Variants in KAT14 observed in about 807,000 individuals in gnomAD.
The protein encoded by KAT14 is lysine acetyltransferase 14, also known as cysteine-rich protein 2-binding protein.
Under a neutral mutation model 78.4 loss-of-function variants are expected in KAT14, and 66 were observed. The ratio of observed to expected loss-of-function variants is 0.84; its 90% CI spans 0.69 to 1.03. The LOEUF is 1.03. Ranked by LOEUF, KAT14 falls within the 50% of genes least tolerant of loss-of-function variation. The pLI is 0.00. For missense variants in KAT14, 870 were observed against 972.5 expected (o/e 0.89, Z 1.40); for synonymous variants, 344 against 359.4 (o/e 0.96, Z 0.48).
In KAT14 at chr20:18,142,743, AG is replaced by A; in HGVS notation, c.85del (p.Glu29LysfsTer10). On this transcript the variant is annotated frameshift_variant, in exon 2 of 11. Transcript: ENST00000688188. LOFTEE classifies it high-confidence loss of function. ...ATRTSTSEGL[E>X]EGEVEGETLL... ...AGAACATCGACCTCAGAAGGACTGG[AG>A]GAAGGTGAAGTGGAGGGAGAGACGC... 6.2e-7 allele frequency: 1 copy of A among 1,614,208 alleles called. No homozygotes were observed. Among genetic ancestry groups the A allele is most frequent in the Non-Finnish European group, 8.5e-7 (1 of 1,180,034 alleles).
chr20:18,187,241 C>T, intron 10 of KAT14, 45 bp from the exon 11 acceptor site: 1 of 1,557,096 alleles, frequency 6.4e-7, no homozygotes, highest in Non-Finnish European at 8.6e-7. Flanking sequence ...CATTTTCCCT[C>T]AGGCCTTTCC....
At position 18,145,185 on chromosome 20, in the gene KAT14, C is replaced by T. The variant is rs538016763; in HGVS notation, c.260-48C>T. The stretch of plus-strand genomic sequence containing the variant: ...ATAAACGGATTAAACCTTTAGGTTA[C>T]CGCTGCTCTAGATAAACCCATGATG... On this transcript the variant is annotated intron_variant, in intron 2 of 10. Coordinates refer to ENST00000688188, the MANE Select transcript of KAT14 (RefSeq NM_001392073.1). The T allele has an allele frequency of 8.1e-6, 13 of 1,598,454 alleles. No homozygotes were observed. In the East Asian group the frequency reaches 2.0e-4, roughly 25 times the overall value.
intron 8 of KAT14, among the ~76,000 whole-genome samples, chr20:18,182,559 A>G (rs2039299061): frequency 6.6e-6 from 1 of 152,258 alleles, no homozygotes; most frequent in Non-Finnish European, 1.5e-5. Context: ...GTCATTGTCC[A>G]GGCAATGAAA....
At chr20:18,151,298 G>T (rs2146378221) in intron 4 of KAT14, among the ~76,000 whole-genome samples, 1 of 152,294 alleles carries the variant, frequency 6.6e-6, no homozygotes, top group Middle Eastern at 3.4e-3. Flanking sequence ...CCGGGTTCAA[G>T]CGATTCTCCT....
chr20:18,184,529 A>C, intron 9 of KAT14, 73 bp from the exon 10 acceptor site: 1 of 1,451,226 alleles, frequency 6.9e-7, no homozygotes, highest in Non-Finnish European at 9.2e-7. Flanking sequence ...CTATATGTAC[A>C]TGCTGAACAG....
At chr20:18,149,575 C>G (rs1448702889) in intron 3 of KAT14, among the ~76,000 whole-genome samples, 1 of 151,624 alleles carries the variant, frequency 6.6e-6, no homozygotes, top group Admixed American at 6.6e-5. Flanking sequence ...GTAGATATTG[C>G]TCTTTCCGTA....
At chr20:18,170,573 C>G (rs549118951) in intron 7 of KAT14, among the ~76,000 whole-genome samples, 158 of 152,338 alleles carry the variant, frequency 1.0e-3, no homozygotes, top group Non-Finnish European at 1.9e-3. Flanking sequence ...CTTGCTCTGT[C>G]GCCCAGGCTG....
intron 7 of KAT14, among the ~76,000 whole-genome samples, chr20:18,172,726 AT>A (rs1296130751): frequency 2.6e-5 from 4 of 152,186 alleles, no homozygotes; most frequent in Admixed American, 2.6e-4. Flanking sequence ...CATCTTTGCC[AT>A]ATCTCAGTCT....
At chr20:18,157,373 A>C (rs1217593375) in intron 4 of KAT14, among the ~76,000 whole-genome samples, 1 of 152,006 alleles carries the variant, frequency 6.6e-6, no homozygotes, top group African/African-American at 2.4e-5. Flanking sequence ...GTGCCATCAC[A>C]CCCAGCTAAT....
At chr20:18,144,857 T>C (rs1333794355) in intron 2 of KAT14, among the ~76,000 whole-genome samples, 3 of 152,204 alleles carry the variant, frequency 2.0e-5, no homozygotes, top group Non-Finnish European at 4.4e-5. Flanking sequence ...TTATCTGTCT[T>C]GGACTTTGTA....
chr20:18,172,362 A>G (rs2146481411), intron 7 of KAT14, among the ~76,000 whole-genome samples: 1 of 150,372 alleles, frequency 6.7e-6, no homozygotes, highest in East Asian at 2.0e-4. Context: ...GGCCTCCCAA[A>G]GTGCTGGAAT....
intron 1 of KAT14, among the ~76,000 whole-genome samples, chr20:18,139,636 G>A (rs1568660947): frequency 4.5e-5 from 1 of 22,396 alleles, no homozygotes; most frequent in Non-Finnish European, 7.8e-5. Flanking sequence ...AAAATAACGT[G>A]TGTGTGTGTG....
chr20:18,142,970 G>T (rs1334780792), intron 2 of KAT14, 51 bp downstream of exon 2: 12 of 1,592,164 alleles, frequency 7.5e-6, no homozygotes, highest in Admixed American at 3.4e-5. Context: ...GTGAAGGTTT[G>T]TTTTTCCAAC....
At chr20:18,143,088 A>G (rs1680112887) in intron 2 of KAT14, 169 bp downstream of exon 2, 7 of 1,402,860 alleles carry the variant, frequency 5.0e-6, no homozygotes, top group Non-Finnish European at 6.5e-6. Context: ...TGTTTGTACT[A>G]ATGAAACGTA....
chr20:18,146,111 TA>T (rs1469079181), intron 3 of KAT14, among the ~76,000 whole-genome samples: 17 of 152,260 alleles, frequency 1.1e-4, no homozygotes, highest in Admixed American at 1.1e-3. Context: ...CACCCTAATC[TA>T]AGTCAGCTGT....
At chr20:18,178,545 A>C (rs749116758) in intron 7 of KAT14, among the ~76,000 whole-genome samples, 24 of 152,316 alleles carry the variant, frequency 1.6e-4, no homozygotes, top group Non-Finnish European at 2.2e-4. Flanking sequence ...TGGCAAGAGA[A>C]AAATGAGAAA....
chr20:18,145,171 AAACCTTT>A lies in KAT14; in HGVS notation c.260-60_260-54del, dbSNP rs1489943738. The A allele has an allele frequency of 6.4e-6, 10 of 1,567,294 alleles. No homozygotes were observed. In the East Asian group the frequency reaches 2.0e-4, roughly 32 times the overall value. On this transcript the variant is annotated intron_variant, in intron 2 of 10. Transcript: ENST00000688188. ...GGAAAATCTGGGTGATAAACGGATTAAACCTTTAGGTTACCGCTGCTCTAGATAAACC... is the reference window on the plus strand; with the variant it reads ...GGAAAATCTGGGTGATAAACGGATTAAGGTTACCGCTGCTCTAGATAAACC...
intron 4 of KAT14, among the ~76,000 whole-genome samples, chr20:18,153,640 G>C (rs979127475): frequency 1.3e-5 from 2 of 152,164 alleles, no homozygotes; most frequent in Admixed American, 1.3e-4. Flanking sequence ...AGAGGAATCA[G>C]CTGAGCCTTA....
At chr20:18,161,303 C>T (rs2038412482) in intron 5 of KAT14, among the ~76,000 whole-genome samples, 1 of 152,096 alleles carries the variant, frequency 6.6e-6, no homozygotes, top group South Asian at 2.1e-4. Context: ...AATCCACCCA[C>T]CTCAGCCTCC....
Sources: gnomAD v4.1 joint callset for allele counts (sites outside exome capture counted in the v4.1 genomes callset) on GRCh38, gnomAD v4.1.1 for gene constraint, MANE v1.5 for transcripts, NCBI Gene and HGNC (gene_info 2026-07-23, HGNC 2026-07-21) for gene names.